PTPRD: variants seen among roughly 807,000 people sequenced by gnomAD.
The protein encoded by PTPRD is receptor-type tyrosine-protein phosphatase delta.
PTPRD carries 34 observed loss-of-function variants against 214.5 expected under a neutral mutation model. The ratio of observed to expected loss-of-function variants is 0.16; its 90% CI spans 0.12 to 0.21. The LOEUF (loss-of-function observed/expected upper bound fraction) is 0.21. PTPRD is among the 10% of genes least tolerant of loss of function. The probability of loss-of-function intolerance (pLI) is 1.00; values close to 1 mark genes in which losing one functional copy is unlikely to be tolerated. For missense variants in PTPRD, 2,545 were observed against 2,398.7 expected (o/e 1.06, Z -1.27); for synonymous variants, 1,128 against 845.7 (o/e 1.33, Z -5.79).
intron 3 of PTPRD, among the ~76,000 whole-genome samples, chr9:10,140,625 A>C (rs891180851): frequency 6.6e-6 from 1 of 152,042 alleles, no homozygotes; most frequent in Admixed American, 6.6e-5. Context: ...CCAACGAAAA[A>C]AGTCCAGGAC....
chr9:8,846,112 C>T (rs1027240951), intron 11 of PTPRD, among the ~76,000 whole-genome samples: 5 of 152,178 alleles, frequency 3.3e-5, no homozygotes, highest in African/African-American at 1.2e-4. Flanking sequence ...TACACACACT[C>T]TACTGAGATT....
chr9:8,328,603 TC>T (rs1836437882), intron 44 of PTPRD, among the ~76,000 whole-genome samples: 2 of 48,928 alleles, frequency 4.1e-5, no homozygotes, highest in Non-Finnish European at 6.4e-5. Flanking sequence ...CTGGATAATA[TC>T]CTGATATCCT....
intron 14 of PTPRD, among the ~76,000 whole-genome samples, chr9:8,567,480 G>A (rs1475629554): frequency 6.6e-6 from 1 of 152,190 alleles, no homozygotes; most frequent in Non-Finnish European, 1.5e-5. Context: ...CCACATTGCA[G>A]TGATCTGGGA....
chr9:10,217,079 A>T (rs997991565), intron 3 of PTPRD, among the ~76,000 whole-genome samples: 4 of 151,492 alleles, frequency 2.6e-5, no homozygotes, highest in Non-Finnish European at 5.9e-5. Flanking sequence ...CATTTACTTG[A>T]CTCTTCTGTT....
intron 9 of PTPRD, among the ~76,000 whole-genome samples, chr9:9,231,003 C>G (rs1484509162): frequency 2.0e-5 from 3 of 151,860 alleles, no homozygotes; most frequent in Non-Finnish European, 4.4e-5. Flanking sequence ...ACCAAGTGAG[C>G]TGAAACTTGA....
At chr9:8,507,238 A>T in intron 22 of PTPRD, 63 bp downstream of exon 22, 2 of 1,563,608 alleles carry the variant, frequency 1.3e-6, no homozygotes, top group South Asian at 2.4e-5. Flanking sequence ...ATAAATACAC[A>T]AAAATAAAAA....
intron 2 of PTPRD, among the ~76,000 whole-genome samples, chr9:10,389,716 C>T (rs1036917390): frequency 6.6e-6 from 1 of 151,842 alleles, no homozygotes; most frequent in Non-Finnish European, 1.5e-5. Flanking sequence ...CCATACCACT[C>T]ATCATTGACT....
intron 3 of PTPRD, among the ~76,000 whole-genome samples, chr9:10,182,259 C>CAAAAA (rs3075574): frequency 4.1e-3 from 213 of 51,662 alleles, no homozygotes; most frequent in Admixed American, 6.8e-3. Context: ...GACTCTGCCT[C>CAAAAA]AAAAAAAAAA....
At chr9:9,990,941 T>TC (rs1418090796) in intron 4 of PTPRD, among the ~76,000 whole-genome samples, 1 of 150,978 alleles carries the variant, frequency 6.6e-6, no homozygotes, top group Non-Finnish European at 1.5e-5. Context: ...AATAGTCTTT[T>TC]TTTTTTTTTT....
chr9:8,849,392 T>A (rs2570966), intron 11 of PTPRD, among the ~76,000 whole-genome samples: 111,505 of 151,744 alleles, frequency 0.73, 41,623 homozygotes, highest in African/African-American at 0.86. Context: ...ACGCCCAGCT[T>A]ATTTTTTGTA....
intron 4 of PTPRD, among the ~76,000 whole-genome samples, chr9:10,023,900 G>C (rs186047669): frequency 6.6e-6 from 1 of 152,026 alleles, no homozygotes; most frequent in South Asian, 2.1e-4. Flanking sequence ...GACTTCAGTG[G>C]TTTACAATAT....
At chr9:10,023,704 A>G (rs1567150544) in intron 4 of PTPRD, among the ~76,000 whole-genome samples, 2 of 151,494 alleles carry the variant, frequency 1.3e-5, no homozygotes, top group African/African-American at 2.4e-5. Context: ...CCATTCAATT[A>G]TATATTGAAT....
At chr9:9,271,573 T>C (rs1594913927) in intron 9 of PTPRD, among the ~76,000 whole-genome samples, 1 of 151,374 alleles carries the variant, frequency 6.6e-6, no homozygotes, top group African/African-American at 2.4e-5. Context: ...CAAAATACAC[T>C]AATTAAATTA....
At chr9:8,341,447 G>T (rs909168309) in intron 40 of PTPRD, among the ~76,000 whole-genome samples, 179 bp from the exon 41 acceptor site, 1 of 151,954 alleles carries the variant, frequency 6.6e-6, no homozygotes. Context: ...ATAGCCTATT[G>T]GATTTCTATA....
intron 5 of PTPRD, among the ~76,000 whole-genome samples, chr9:9,936,004 C>G (rs2089215826): frequency 1.3e-5 from 2 of 150,502 alleles, no homozygotes; most frequent in African/African-American, 5.0e-5. Context: ...ATAAATGGTG[C>G]TGGGAAAACT....
intron 9 of PTPRD, among the ~76,000 whole-genome samples, chr9:9,379,831 T>C (rs1184118294): frequency 6.6e-6 from 1 of 152,060 alleles, no homozygotes; most frequent in Non-Finnish European, 1.5e-5. Context: ...AAATTCCACT[T>C]GTTCATTGTT....
At chr9:10,527,430 A>T (rs1471691774) in intron 2 of PTPRD, among the ~76,000 whole-genome samples, 1 of 152,216 alleles carries the variant, frequency 6.6e-6, no homozygotes, top group Non-Finnish European at 1.5e-5. Context: ...TCAATGATAA[A>T]GAGGAACTAA....
chr9:8,402,397 G>T (rs1006774790), intron 36 of PTPRD, among the ~76,000 whole-genome samples: 5 of 152,130 alleles, frequency 3.3e-5, no homozygotes, highest in Non-Finnish European at 7.4e-5. Context: ...CTTTAAAGAT[G>T]TGGAAAATAA....
intron 14 of PTPRD, among the ~76,000 whole-genome samples, chr9:8,574,900 A>G (rs959901023): frequency 6.6e-5 from 10 of 152,122 alleles, no homozygotes; most frequent in Admixed American, 2.6e-4. Flanking sequence ...AAGGAAGAAT[A>G]TGCATGCCCA....
Sources: gnomAD v4.1 joint callset for allele counts (sites outside exome capture counted in the v4.1 genomes callset) on GRCh38, gnomAD v4.1.1 for gene constraint, MANE v1.5 for transcripts, NCBI Gene and HGNC (gene_info 2026-07-23, HGNC 2026-07-21) for gene names.